SLC24A3: variants seen among roughly 807,000 people sequenced by gnomAD.
The protein encoded by SLC24A3 is sodium/potassium/calcium exchanger 3.
In SLC24A3, 28 loss-of-function variants were observed where a neutral mutation model predicts 75.8. That is an observed-to-expected ratio of 0.37 (90% CI 0.27 to 0.51). The LOEUF (loss-of-function observed/expected upper bound fraction) is 0.51, where lower values mean the gene tolerates loss of function less well. SLC24A3 is among the 20% of genes least tolerant of loss of function. SLC24A3 has a pLI of 0.94. For synonymous variants in SLC24A3, 372 were observed against 334.1 expected, an observed-to-expected ratio of 1.11 and a Z score of -1.24; for missense variants, 663 against 847.8, an observed-to-expected ratio of 0.78 and a Z score of 2.71.
chr20:19,669,073 G>A (rs775304842), intron 8 of SLC24A3, among the ~76,000 whole-genome samples: 11 of 152,194 alleles, frequency 7.2e-5, no homozygotes, highest in Admixed American at 2.0e-4. Flanking sequence ...GGGGTCAGGC[G>A]CACCCTCTTT....
chr20:19,661,899 C>T (rs2032330972), intron 7 of SLC24A3, among the ~76,000 whole-genome samples: 2 of 152,120 alleles, frequency 1.3e-5, no homozygotes, highest in African/African-American at 2.4e-5. Flanking sequence ...TCCAGGGATT[C>T]GCCGGCCTGA....
intron 2 of SLC24A3, among the ~76,000 whole-genome samples, chr20:19,407,654 A>G (rs769108380): frequency 6.6e-6 from 1 of 152,252 alleles, no homozygotes; most frequent in South Asian, 2.1e-4. Flanking sequence ...ACAAGTAGCC[A>G]AGAACAACAA....
intron 1 of SLC24A3, among the ~76,000 whole-genome samples, chr20:19,221,256 A>G (rs572248606): frequency 6.6e-6 from 1 of 152,270 alleles, no homozygotes; most frequent in African/African-American, 2.4e-5. Context: ...CAGGGACACT[A>G]AGTATTCCAG....
intron 2 of SLC24A3, among the ~76,000 whole-genome samples, chr20:19,356,111 C>T (rs1985676918): frequency 1.3e-5 from 2 of 152,106 alleles, no homozygotes; most frequent in African/African-American, 4.8e-5. Context: ...ACCACTCCTG[C>T]CAACAGCATA....
At chr20:19,556,588 A>G (rs1180659168) in intron 3 of SLC24A3, among the ~76,000 whole-genome samples, 1 of 151,896 alleles carries the variant, frequency 6.6e-6, no homozygotes, top group Non-Finnish European at 1.5e-5. Flanking sequence ...AAAAAAAAAA[A>G]AAAAAAGAAA....
At chr20:19,679,598 G>A (rs2032585600) in intron 9 of SLC24A3, among the ~76,000 whole-genome samples, 1 of 151,860 alleles carries the variant, frequency 6.6e-6, no homozygotes, top group African/African-American at 2.4e-5. Context: ...GGGAGAGGGA[G>A]AGGGAGAGGG....
At chr20:19,282,147 C>T (rs1211257870) in intron 2 of SLC24A3, among the ~76,000 whole-genome samples, 1 of 152,162 alleles carries the variant, frequency 6.6e-6, no homozygotes, top group African/African-American at 2.4e-5. Flanking sequence ...GTACAGAAGA[C>T]ATGTCAGAGA....
chr20:19,387,642 T>C (rs1005101485), intron 2 of SLC24A3, among the ~76,000 whole-genome samples: 1 of 152,198 alleles, frequency 6.6e-6, no homozygotes, highest in Non-Finnish European at 1.5e-5. Context: ...TTTTTTCCTG[T>C]TTTTGAATTT....
chr20:19,591,238 T>C (rs2031372794), intron 6 of SLC24A3, among the ~76,000 whole-genome samples: 1 of 152,184 alleles, frequency 6.6e-6, no homozygotes, highest in Non-Finnish European at 1.5e-5. Flanking sequence ...TCTTGCTTGT[T>C]CCACTTCTTT....
chr20:19,716,417 GTTT>G (rs750343903), intron 15 of SLC24A3, among the ~76,000 whole-genome samples: 3 of 62,954 alleles, frequency 4.8e-5, no homozygotes, highest in Middle Eastern at 0.012. Flanking sequence ...GATTAAAACT[GTTT>G]CTTTTTTTTT....
Position 19,641,402 on chromosome 20 carries a change from A to G in SLC24A3, c.613-12660A>G, listed in dbSNP as rs527420837. ...TTATGCTGATGGGACTCTCAAAGTA[A>G]ATTTTTATTATAAATATAAAAGGGA... is the stretch of plus-strand genomic sequence containing the variant. On this transcript the variant is annotated intron_variant, in intron 6 of 16. Coordinates refer to ENST00000328041, the MANE Select transcript of SLC24A3 (RefSeq NM_020689.4). Among the ~76,000 whole-genome samples, 3 of 152,294 alleles carry G rather than the reference A, an allele frequency of 2.0e-5. No individual in the cohort carries two copies. The East Asian group carries it at 5.8e-4, about 29-fold the overall frequency.
intron 1 of SLC24A3, among the ~76,000 whole-genome samples, chr20:19,228,482 A>G (rs1388852933): frequency 1.3e-5 from 2 of 152,162 alleles, no homozygotes; most frequent in Non-Finnish European, 2.9e-5. Flanking sequence ...TACTAAAAAT[A>G]CAAAAAATTA....
chr20:19,685,795 G>C (rs1367636572), intron 12 of SLC24A3, among the ~76,000 whole-genome samples: 1 of 152,134 alleles, frequency 6.6e-6, no homozygotes, highest in East Asian at 1.9e-4. Context: ...AAGGAATGTA[G>C]CTACCTTCCA....
intron 4 of SLC24A3, among the ~76,000 whole-genome samples, chr20:19,583,133 A>C (rs369259180): frequency 1.3e-5 from 2 of 152,114 alleles, no homozygotes; most frequent in Non-Finnish European, 2.9e-5. Context: ...GAGCAGCTCC[A>C]GGGTAATATC....
At chr20:19,604,393 TG>T (rs1264740709) in intron 6 of SLC24A3, among the ~76,000 whole-genome samples, 1 of 152,066 alleles carries the variant, frequency 6.6e-6, no homozygotes, top group Non-Finnish European at 1.5e-5. Context: ...TCCAAAGCCG[TG>T]AGGCAGGAAC....
chr20:19,645,551 G>A (rs1600318826), intron 6 of SLC24A3, among the ~76,000 whole-genome samples: 1 of 152,074 alleles, frequency 6.6e-6, no homozygotes, highest in African/African-American at 2.4e-5. Flanking sequence ...CATGCAAGCA[G>A]ATGAATGCAC....
At chr20:19,224,420 A>G (rs6106033) in intron 1 of SLC24A3, among the ~76,000 whole-genome samples, 22,437 of 152,190 alleles carry the variant, frequency 0.15, 2,939 homozygotes, top group East Asian at 0.73. Context: ...AGGTCAGTCT[A>G]CATTAGTAAA....
intron 3 of SLC24A3, among the ~76,000 whole-genome samples, chr20:19,567,262 G>T (rs1477368817): frequency 6.6e-6 from 1 of 152,096 alleles, no homozygotes; most frequent in African/African-American, 2.4e-5. Context: ...GCAAAGACAT[G>T]GAATCAACTT....
chr20:19,513,682 A>G (rs2029925149), intron 2 of SLC24A3, among the ~76,000 whole-genome samples: 1 of 151,628 alleles, frequency 6.6e-6, no homozygotes, highest in Non-Finnish European at 1.5e-5. Context: ...AAAGGACCAT[A>G]CAAAACTAGA....
Sources: allele counts gnomAD v4.1 joint callset (sites outside exome capture counted in the v4.1 genomes callset), GRCh38; gene constraint gnomAD v4.1.1; transcripts MANE v1.5; gene names NCBI Gene and HGNC (gene_info 2026-07-23, HGNC 2026-07-21).